The following PEPD variants were observed in gnomAD, a reference collection of about 807,000 sequenced individuals.
PEPD encodes xaa-Pro dipeptidase.
Under a neutral mutation model 60.7 loss-of-function variants are expected in PEPD, and 53 were observed. That is an observed-to-expected ratio of 0.87 (90% confidence interval 0.70 to 1.10). The LOEUF is 1.10. PEPD is among the 50% of genes least tolerant of loss of function. The pLI, the probability that PEPD is intolerant of heterozygous loss-of-function variation, is 0.00. For missense variants in PEPD, 711 were observed against 711.9 expected (o/e 1.00, Z 0.01); for synonymous variants, 267 against 284.1 (o/e 0.94, Z 0.60).
chr19:33,436,707 T>A (rs1249788734), intron 9 of PEPD, among the ~76,000 whole-genome samples: 1 of 152,230 alleles, frequency 6.6e-6, no homozygotes, highest in Non-Finnish European at 1.5e-5. Context: ...GAGCCAGAAC[T>A]GAGCCAGCGC....
At chr19:33,402,015 C>T (rs750751108) in intron 11 of PEPD, 146 bp from the exon 12 acceptor site, 81 of 774,356 alleles carry the variant, frequency 1.0e-4, no homozygotes, top group Middle Eastern at 6.8e-4. Context: ...GTGTGGGGAA[C>T]TGCCACCTGG....
intron 4 of PEPD, among the ~76,000 whole-genome samples, chr19:33,498,301 C>G (rs1018177469): frequency 6.6e-6 from 1 of 152,132 alleles, no homozygotes; most frequent in Non-Finnish European, 1.5e-5. Context: ...ACTGAAGCCT[C>G]GACAATCTGC....
At chr19:33,398,340 C>T (rs186968487) in intron 12 of PEPD, among the ~76,000 whole-genome samples, 29 of 152,368 alleles carry the variant, frequency 1.9e-4, no homozygotes, top group Middle Eastern at 6.8e-3. Context: ...ACTTTCTGGA[C>T]ATCTGGATTT....
intron 9 of PEPD, among the ~76,000 whole-genome samples, chr19:33,422,602 CCCAT>C (rs926254427): frequency 2.0e-5 from 3 of 146,608 alleles, no homozygotes; most frequent in African/African-American, 5.2e-5. Flanking sequence ...AATCCAACTA[CCCAT>C]CCATCCATCC....
At chr19:33,416,180 G>T (rs1470345789) in intron 9 of PEPD, among the ~76,000 whole-genome samples, 2 of 152,178 alleles carry the variant, frequency 1.3e-5, no homozygotes, top group Non-Finnish European at 2.9e-5. Flanking sequence ...CCGCACAGCT[G>T]GGCCAGAGCT....
Position 33,475,496 on chromosome 19 carries a change from C to A in PEPD, c.548+2550G>T, listed in dbSNP as rs187200859. 3.3e-5 allele frequency among the ~76,000 whole-genome samples: 5 copies of A among 152,046 alleles called. No homozygotes were observed. In the East Asian group the frequency reaches 9.7e-4, roughly 29 times the overall value. ...ACAATGTGACATTTCTAAAATGGTT[C>A]TACTGCCATCAACTTTCTGCTGCTT... On this transcript the variant is annotated intron_variant, in intron 7 of 14. Coordinates refer to ENST00000244137, the MANE Select transcript of PEPD (RefSeq NM_000285.4).
intron 3 of PEPD, among the ~76,000 whole-genome samples, chr19:33,506,367 A>C: frequency 2.6e-5 from 3 of 116,710 alleles, no homozygotes; most frequent in Admixed American, 9.0e-5. Flanking sequence ...CACCCACCAC[A>C]CCCCATCACA....
chr19:33,424,423 A>C (rs1401591666), intron 9 of PEPD, among the ~76,000 whole-genome samples: 1 of 152,222 alleles, frequency 6.6e-6, no homozygotes, highest in Non-Finnish European at 1.5e-5. Context: ...CACAAGCACC[A>C]TTGGCCAACT....
chr19:33,472,018 G>GT (rs1970129439), intron 7 of PEPD, among the ~76,000 whole-genome samples: 3 of 152,034 alleles, frequency 2.0e-5, no homozygotes, highest in African/African-American at 7.2e-5. Flanking sequence ...AAAAGTAGCC[G>GT]GGCATGGTGG....
Position 33,387,483 on chromosome 19 carries a change from T to A in PEPD, c.1345-2A>T, listed in dbSNP as rs1186578621. The A allele has an allele frequency of 6.2e-7, 1 of 1,613,358 alleles. No individual in the cohort carries two copies. Among genetic ancestry groups the A allele is most frequent in the Non-Finnish European group, 8.5e-7 (1 of 1,180,044 alleles). ...CACGACGTCCTCCTCGATGCGGACC[T>A]GGGTCAAGCCGACAGACACACATTA... On this transcript the variant is annotated splice_acceptor_variant, in intron 14 of 14. Transcript: ENST00000244137. LOFTEE classifies it high-confidence loss of function.
chr19:33,466,846 A>G, intron 7 of PEPD, among the ~76,000 whole-genome samples: 1 of 152,062 alleles, frequency 6.6e-6, no homozygotes, highest in East Asian at 1.9e-4. Flanking sequence ...GATTTTGTAT[A>G]GCTGGTGGTT....
chr19:33,443,102 G>A (rs141666439), intron 9 of PEPD, among the ~76,000 whole-genome samples: 353 of 152,216 alleles, frequency 2.3e-3, no homozygotes, highest in Admixed American at 4.4e-3. Context: ...CTCCCCCACG[G>A]TCCTGGAAGC....
At chr19:33,458,783 T>C (rs960244370) in intron 9 of PEPD, among the ~76,000 whole-genome samples, 57 of 468 alleles carry the variant, frequency 0.12, no homozygotes, top group Non-Finnish European at 0.19. Context: ...TGGGGGTGTG[T>C]GAGGTGTGTG....
chr19:33,423,664 C>T (rs17760904), intron 9 of PEPD, among the ~76,000 whole-genome samples: 4,905 of 152,268 alleles, frequency 0.032, 183 homozygotes, highest in East Asian at 0.17. Context: ...TTAAAAACTG[C>T]GAATGTTCAT....
intron 9 of PEPD, among the ~76,000 whole-genome samples, chr19:33,436,935 C>G (rs540807400): frequency 6.6e-6 from 1 of 152,146 alleles, no homozygotes; most frequent in Admixed American, 6.5e-5. Flanking sequence ...ACTACAAGAG[C>G]GTTAAAGTCC....
intron 9 of PEPD, among the ~76,000 whole-genome samples, chr19:33,432,601 G>A (rs1354334263): frequency 6.6e-6 from 1 of 152,246 alleles, no homozygotes; most frequent in Non-Finnish European, 1.5e-5. Flanking sequence ...GGAGCAGGAG[G>A]AAGCCTCTTT....
At chr19:33,515,815 C>A (rs536280187) in intron 1 of PEPD, among the ~76,000 whole-genome samples, 1 of 152,074 alleles carries the variant, frequency 6.6e-6, no homozygotes, top group Non-Finnish European at 1.5e-5. Context: ...TTAATCATAA[C>A]AGGTGCTGGC....
At chr19:33,471,453 A>G (rs1970118432) in intron 7 of PEPD, among the ~76,000 whole-genome samples, 1 of 152,220 alleles carries the variant, frequency 6.6e-6, no homozygotes, top group Admixed American at 6.5e-5. Flanking sequence ...CACCCTGAAT[A>G]TGATGAGCCC....
At chr19:33,499,122 C>G (rs1970662598) in intron 4 of PEPD, among the ~76,000 whole-genome samples, 1 of 152,166 alleles carries the variant, frequency 6.6e-6, no homozygotes, top group South Asian at 2.1e-4. Context: ...TCATTGGGAG[C>G]ATGCAAATAA....
Sources: allele counts gnomAD v4.1 joint callset (sites outside exome capture counted in the v4.1 genomes callset), GRCh38; gene constraint gnomAD v4.1.1; transcripts MANE v1.5; gene names NCBI Gene and HGNC (gene_info 2026-07-23, HGNC 2026-07-21).